Variants in LZTS1 observed in about 807,000 individuals in gnomAD.
LZTS1 encodes leucine zipper putative tumor suppressor 1.
Under a neutral mutation model 45.8 loss-of-function variants are expected in LZTS1, and 31 were observed. The observed-to-expected ratio is 0.68, with a 90% CI of 0.51 to 0.91. LZTS1 has a LOEUF of 0.91. Among genes scored for constraint, LZTS1 ranks in the 40% least tolerant of loss-of-function variants. LZTS1 has a pLI of 0.00. For synonymous variants in LZTS1, 359 were observed against 357.3 expected (o/e 1.00, Z -0.05); for missense variants, 821 against 788.9 (o/e 1.04, Z -0.49).
rs1799746449 is a variant in LZTS1 at position 20,246,935 on chromosome 8, T to C, written c.*2787A>G. The C allele has an allele frequency of 6.6e-6, 1 of 152,284 alleles. No homozygotes were observed. The highest frequency in any genetic ancestry group is 1.5e-5 in the Non-Finnish European group (1 of 68,088). The allele number at this position is 152,284 out of a possible 1,614,324, so 9.4% of individuals were successfully genotyped here. A position where few individuals can be genotyped will look rare whatever the true frequency, so the allele number is the denominator to read the frequency against. On this transcript the variant is annotated 3_prime_UTR_variant, in exon 4 of 4. Coordinates refer to ENST00000381569, the MANE Select transcript of LZTS1 (RefSeq NM_021020.5). ...AGGCTCTGTGCTTGGAGGCTTCTGC[T>C]GTCCAGAGCCTCTTTCCAGAGAGGC... is the stretch of plus-strand genomic sequence containing the variant.
At chr8:20,288,067 C>A (rs1433328992) in intron 1 of LZTS1, among the ~76,000 whole-genome samples, 7 of 152,092 alleles carry the variant, frequency 4.6e-5, no homozygotes, top group African/African-American at 7.2e-5. Flanking sequence ...CCTCTCCCTG[C>A]CCCAGGTGCA....
intron 1 of LZTS1, among the ~76,000 whole-genome samples, chr8:20,284,037 T>C (rs1231561414): frequency 6.6e-6 from 1 of 152,162 alleles, no homozygotes; most frequent in East Asian, 1.9e-4. Flanking sequence ...GAAATGACAA[T>C]GGACTGGAGG....
At chr8:20,274,186 T>C (rs6984493) in intron 1 of LZTS1, among the ~76,000 whole-genome samples, 132,240 of 152,170 alleles carry the variant, frequency 0.87, 57,881 homozygotes, top group East Asian at 0.98. Context: ...GCAAGACTGT[T>C]TTTCACCCAA....
rs757090341 is a variant in LZTS1, at chr8:20,253,180, ACGAGGGGCCCTTGTCTGCCTTGTT to A, written c.727_750del (p.Asn243_Ser250del). ...TCCGTGGAGATGGGGGAGCGGACACACGAGGGGCCCTTGTCTGCCTTGTTCGAGTGGCCCAGCTTGCTACCTCCG... is the reference window on the plus strand; with the variant it reads ...TCCGTGGAGATGGGGGAGCGGACACACGAGTGGCCCAGCTTGCTACCTCCG... On this transcript the variant is annotated inframe_deletion, in exon 3 of 4. Transcript: ENST00000381569. 3.7e-6 allele frequency: 6 copies of A among 1,613,480 alleles called. No homozygotes were observed. The Admixed American group carries it at 1.0e-4, about 27-fold the overall frequency.
At chr8:20,280,438 A>G (rs1800665039) in intron 1 of LZTS1, among the ~76,000 whole-genome samples, 2 of 151,950 alleles carry the variant, frequency 1.3e-5, no homozygotes. Flanking sequence ...TTGCTCATTC[A>G]CTGTACCTCA....
rs568779893 is a variant in LZTS1 at position 20,272,733 on chromosome 8, A to G, written c.-134-17418T>C. On this transcript the variant is annotated intron_variant, in intron 1 of 3. Transcript: ENST00000381569. ...CTGAACTCATAAACCTGCAATTGAC[A>G]TGACTGCTGCCTCCTCTGTGCCTGT... Among the ~76,000 whole-genome samples, 7 of 152,320 alleles carry G rather than the reference A, an allele frequency of 4.6e-5. No homozygotes were observed. In the South Asian group the frequency reaches 8.3e-4, roughly 18 times the overall value.
In LZTS1 at chr8:20,247,826, G is replaced by A. The variant is rs1002773770; in HGVS notation, c.*1896C>T. ...GCCAGCGGTGAGCGAGGCAGAAATG[G>A]GGACTGGCCTTGGACTCGCAAGTTC... is the stretch of plus-strand genomic sequence containing the variant. On this transcript the variant is annotated 3_prime_UTR_variant, in exon 4 of 4. Coordinates refer to ENST00000381569, the MANE Select transcript of LZTS1 (RefSeq NM_021020.5). 2 of 152,692 alleles carry A rather than the reference G, an allele frequency of 1.3e-5. No individual in the cohort carries two copies. The highest frequency in any genetic ancestry group is 4.8e-5 in the African/African-American group (2 of 41,428). The allele number at this position is 152,692 out of a possible 1,614,324, so 9.5% of individuals were successfully genotyped here.
chr8:20,253,644 C>T, intron 2 of LZTS1, 59 bp from the exon 3 acceptor site: 1 of 1,340,126 alleles, frequency 7.5e-7, no homozygotes, highest in Non-Finnish European at 9.8e-7. Context: ...TTGCACCCTC[C>T]CTCCCCAGGC....
At chr8:20,299,540 A>C (rs938939082) in intron 1 of LZTS1, among the ~76,000 whole-genome samples, 4 of 151,892 alleles carry the variant, frequency 2.6e-5, no homozygotes, top group African/African-American at 9.7e-5. Flanking sequence ...GTTATTCCCC[A>C]CTCCCTGGCA....
intron 1 of LZTS1, among the ~76,000 whole-genome samples, chr8:20,262,590 T>C (rs1423976849): frequency 6.6e-6 from 1 of 152,156 alleles, no homozygotes; most frequent in African/African-American, 2.4e-5. Context: ...GATGCCCTTA[T>C]CGGGAACAGC....
chr8:20,255,450 T>G, intron 1 of LZTS1, 135 bp from the exon 2 acceptor site: 1 of 506,072 alleles, frequency 2.0e-6, no homozygotes, highest in Non-Finnish European at 3.3e-6. Context: ...GGGTGCTCCG[T>G]TCCTTCTTCC....
chr8:20,272,296 C>A (rs1244407415), intron 1 of LZTS1, among the ~76,000 whole-genome samples: 2 of 152,172 alleles, frequency 1.3e-5, no homozygotes, highest in Non-Finnish European at 1.5e-5. Context: ...CGCATCTGAC[C>A]TCCAGAGTGA....
chr8:20,276,964 G>C (rs1292121467), intron 1 of LZTS1, among the ~76,000 whole-genome samples: 1 of 152,200 alleles, frequency 6.6e-6, no homozygotes, highest in Admixed American at 6.5e-5. Flanking sequence ...TTGAACCAGA[G>C]CAACTCCATG....
intron 1 of LZTS1, among the ~76,000 whole-genome samples, chr8:20,280,457 G>C (rs79146797): frequency 6.0e-4 from 91 of 152,230 alleles, no homozygotes; most frequent in African/African-American, 2.1e-3. Context: ...CATTGTCCCT[G>C]CCCATTCATT....
intron 1 of LZTS1, among the ~76,000 whole-genome samples, chr8:20,302,071 T>G (rs1801089168): frequency 6.6e-6 from 1 of 152,158 alleles, no homozygotes; most frequent in Non-Finnish European, 1.5e-5. Flanking sequence ...GGACTCCCAG[T>G]TGCTCCATCC....
intron 1 of LZTS1, among the ~76,000 whole-genome samples, chr8:20,293,350 A>T (rs1358566317): frequency 6.6e-6 from 1 of 152,062 alleles, no homozygotes; most frequent in Non-Finnish European, 1.5e-5. Context: ...CCTTTCTAGA[A>T]AGGTTTCTTT....
intron 1 of LZTS1, among the ~76,000 whole-genome samples, chr8:20,298,113 G>A (rs1283329904): frequency 6.6e-6 from 1 of 151,924 alleles, no homozygotes; most frequent in Admixed American, 6.6e-5. Context: ...CCAGCCTGGA[G>A]TGCAGCAGTG....
intron 2 of LZTS1, among the ~76,000 whole-genome samples, chr8:20,253,987 T>G (rs1191577886): frequency 2.0e-5 from 3 of 152,186 alleles, no homozygotes; most frequent in African/African-American, 7.2e-5. Flanking sequence ...CCATTAAGCC[T>G]GGAGCAAGGA....
At position 20,252,972 on chromosome 8, in the gene LZTS1, G is replaced by A. The variant is rs1011655494; in HGVS notation, c.959C>T (p.Ala320Val). ...EPKGGNKLKQASQKSQRAQQV... is the reference protein window; with the variant it reads ...EPKGGNKLKQVSQKSQRAQQV... ...CTGCGCGCGCTGGCTCTTCTGCGAG[G>A]CCTGCTTGAGCTTGTTGCCGCCTTT... The change falls in exon 3 of 4, where the codon GCC becomes GTC. Residue 320 changes from alanine to valine, a missense_variant. Coordinates refer to ENST00000381569, the MANE Select transcript of LZTS1 (RefSeq NM_021020.5). 1 of 1,586,338 alleles carries A rather than the reference G, an allele frequency of 6.3e-7. No individual in the cohort carries two copies. Among genetic ancestry groups the A allele is most frequent in the Non-Finnish European group, 8.6e-7 (1 of 1,166,478 alleles).
Sources: allele counts gnomAD v4.1 joint callset (sites outside exome capture counted in the v4.1 genomes callset), GRCh38; gene constraint gnomAD v4.1.1; transcripts MANE v1.5; gene names NCBI Gene and HGNC (gene_info 2026-07-23, HGNC 2026-07-21).